The following CWF19L2 variants were observed in gnomAD, a reference collection of about 807,000 sequenced individuals.
CWF19L2 encodes CWF19 like cell cycle control factor 2, also known as CWF19-like protein 2.
A neutral mutation model predicts 111.7 loss-of-function variants in CWF19L2; 98 were observed. The observed-to-expected ratio is 0.88, with a 90% CI of 0.75 to 1.04. The LOEUF is 1.04. Among genes scored for constraint, CWF19L2 ranks in the 50% least tolerant of loss-of-function variants. The pLI is 0.00. For missense variants in CWF19L2, 1,101 were observed against 1,051.4 expected, an observed-to-expected ratio of 1.05 and a Z score of -0.65; for synonymous variants, 351 against 342.9, an observed-to-expected ratio of 1.02 and a Z score of -0.26.
At chr11:107,440,115 CAAT>C (rs1861601139) in intron 5 of CWF19L2, among the ~76,000 whole-genome samples, 1 of 152,062 alleles carries the variant, frequency 6.6e-6, no homozygotes, top group African/African-American at 2.4e-5. Flanking sequence ...GGGGGAAAGA[CAAT>C]CAAGCAATAT....
chr11:107,370,971 G>A lies in CWF19L2; in HGVS notation c.1873-17235C>T, dbSNP rs557770574. On this transcript the variant is annotated intron_variant, in intron 12 of 17. Coordinates refer to ENST00000282251, the MANE Select transcript of CWF19L2 (RefSeq NM_152434.3). ...TATTTAACAAAAATTATTCTTTTTC[G>A]AGAAAACTGCTATTTCACGATGTTA... 7.5e-5 allele frequency among the ~76,000 whole-genome samples: 10 copies of A among 133,520 alleles called. 2 individuals are homozygous for A. The highest frequency in any genetic ancestry group is 5.0e-4 in the South Asian group (2 of 3,966). 87.6% of individuals were successfully genotyped at this position (133,520 alleles called of 152,430 possible). A position where few individuals can be genotyped will look rare whatever the true frequency, so the allele number is the denominator to read the frequency against.
chr11:107,330,644 CCACACACACA>C lies in CWF19L2; in HGVS notation c.2440-635_2440-626del, dbSNP rs56313409. 5.7e-3 allele frequency among the ~76,000 whole-genome samples: 699 copies of C among 121,706 alleles called. 6 individuals are homozygous for C. Among genetic ancestry groups the C allele is most frequent in the African/African-American group, 0.016 (490 of 29,754 alleles). The allele number at this position is 121,706 out of a possible 152,430, so 79.8% of individuals were successfully genotyped here. ...TCTCTCTCTACACACACCCCCCCCA[CCACACACACA>C]CACACACACACACACACACACACAC... On this transcript the variant is annotated intron_variant, in intron 16 of 17. Coordinates refer to ENST00000282251, the MANE Select transcript of CWF19L2 (RefSeq NM_152434.3).
In CWF19L2 at chr11:107,397,510, C is replaced by G. The variant is rs183105604; in HGVS notation, c.1618-4615G>C. Among the ~76,000 whole-genome samples the G allele has an allele frequency of 1.5e-3, 229 of 152,218 alleles. 1 individual carries two copies. The highest frequency in any genetic ancestry group is 2.2e-3 in the Non-Finnish European group (151 of 68,012). On this transcript the variant is annotated intron_variant, in intron 10 of 17. Coordinates refer to ENST00000282251, the MANE Select transcript of CWF19L2 (RefSeq NM_152434.3). ...ATCCCATCCCCCACAGCAGCCCCAG[C>G]AAGACGCGCCCACGGAGAGTCTGAG...
chr11:107,346,136 A>C (rs1347633753), intron 14 of CWF19L2, among the ~76,000 whole-genome samples: 1 of 152,182 alleles, frequency 6.6e-6, no homozygotes, highest in African/African-American at 2.4e-5. Context: ...AGTACATATG[A>C]ATACATAATT....
chr11:107,364,738 A>T, intron 12 of CWF19L2, among the ~76,000 whole-genome samples: 1 of 99,942 alleles, frequency 1.0e-5, no homozygotes, highest in Non-Finnish European at 2.0e-5. Flanking sequence ...TCCAAAATTG[A>T]CACCCTAACA....
At chr11:107,428,758 C>A in intron 8 of CWF19L2, 41 bp downstream of exon 8, 1 of 1,460,508 alleles carries the variant, frequency 6.8e-7, no homozygotes, top group East Asian at 2.3e-5. Context: ...TCTTTGAACT[C>A]TCTGGATCTT....
At chr11:107,362,188 CG>C (rs1483986824) in intron 12 of CWF19L2, among the ~76,000 whole-genome samples, 1 of 96,842 alleles carries the variant, frequency 1.0e-5, no homozygotes, top group Non-Finnish European at 2.1e-5. Flanking sequence ...CACGGAGTCT[CG>C]CTGATTGCTA....
At position 107,418,278 on chromosome 11, in the gene CWF19L2, C is replaced by G. The variant is rs1244708339; in HGVS notation, c.1443G>C (p.Glu481Asp). The change falls in exon 9 of 18, where the codon GAG becomes GAC. Residue 481 changes from glutamate to aspartate, a missense_variant. By Grantham distance (45) the Glu-to-Asp change is conservative (BLOSUM62 2). Transcript: ENST00000282251. ...CACTCAGGATGTGAATGGACTCACG[C>G]TCTGGACTGCTATTGGAATAGGAAA... ...DTKSTFAGSP[E>D]RESIHILSVD... 1 of 1,608,732 alleles carries G rather than the reference C, an allele frequency of 6.2e-7. No individual in the cohort carries two copies. The highest frequency in any genetic ancestry group is 1.1e-5 in the South Asian group (1 of 90,976).
At chr11:107,441,230 G>A (rs1301317736) in intron 5 of CWF19L2, among the ~76,000 whole-genome samples, 1 of 152,100 alleles carries the variant, frequency 6.6e-6, no homozygotes, top group Non-Finnish European at 1.5e-5. Context: ...CAAAAATTGA[G>A]TGAGTTCACT....
At chr11:107,368,040 A>G (rs1860457202) in intron 12 of CWF19L2, among the ~76,000 whole-genome samples, 1 of 136,716 alleles carries the variant, frequency 7.3e-6, no homozygotes, top group Admixed American at 7.2e-5. Flanking sequence ...GTGACACCTC[A>G]AGAAACTAGA....
At chr11:107,345,915 A>C (rs1860073575) in intron 14 of CWF19L2, among the ~76,000 whole-genome samples, 1 of 152,182 alleles carries the variant, frequency 6.6e-6, no homozygotes, top group Non-Finnish European at 1.5e-5. Context: ...TGTTATGGAG[A>C]TGACATGAAA....
intron 12 of CWF19L2, 88 bp downstream of exon 12, chr11:107,389,986 A>G: frequency 9.1e-7 from 1 of 1,099,880 alleles, no homozygotes; most frequent in Non-Finnish European, 1.3e-6. Context: ...AAGATTAGAG[A>G]GAACCAGATC....
intron 10 of CWF19L2, among the ~76,000 whole-genome samples, chr11:107,399,045 T>C (rs1860963811): frequency 6.6e-6 from 1 of 152,208 alleles, no homozygotes; most frequent in African/African-American, 2.4e-5. Context: ...AGGTTCCTTT[T>C]GCTAAAAGGA....
intron 14 of CWF19L2, among the ~76,000 whole-genome samples, chr11:107,344,936 C>G (rs971752940): frequency 3.9e-5 from 6 of 152,076 alleles, no homozygotes; most frequent in African/African-American, 1.4e-4. Context: ...TGTTGACACT[C>G]AAAAATGGGA....
intron 12 of CWF19L2, among the ~76,000 whole-genome samples, chr11:107,362,360 C>A (rs1860364326): frequency 6.6e-6 from 1 of 151,962 alleles, no homozygotes; most frequent in Admixed American, 6.5e-5. Context: ...TAGGCTTCAC[C>A]TCTGGGGGCA....
intron 16 of CWF19L2, among the ~76,000 whole-genome samples, chr11:107,330,657 C>T (rs1369996718): frequency 1.3e-5 from 1 of 74,334 alleles, no homozygotes; most frequent in Non-Finnish European, 3.3e-5. Context: ...CACACACACA[C>T]ACACACACAC....
intron 8 of CWF19L2, among the ~76,000 whole-genome samples, chr11:107,424,577 A>G (rs145760839): frequency 1.3e-5 from 2 of 151,912 alleles, no homozygotes; most frequent in East Asian, 3.9e-4. Context: ...TTAGATATTC[A>G]ATCAAGGAAG....
At chr11:107,428,666 T>C (rs1861414236) in intron 8 of CWF19L2, 133 bp downstream of exon 8, 2 of 726,310 alleles carry the variant, frequency 2.8e-6, no homozygotes, top group Non-Finnish European at 4.5e-6. Context: ...TAAATCTGCA[T>C]ATCTTACCCC....
intron 14 of CWF19L2, among the ~76,000 whole-genome samples, chr11:107,348,189 TATC>T (rs759918781): frequency 5.9e-5 from 9 of 152,168 alleles, no homozygotes; most frequent in Non-Finnish European, 1.3e-4. Context: ...TTGACATACT[TATC>T]AGCATGCTGC....
Sources: allele counts gnomAD v4.1 joint callset (sites outside exome capture counted in the v4.1 genomes callset), GRCh38; gene constraint gnomAD v4.1.1; transcripts MANE v1.5; gene names NCBI Gene and HGNC (gene_info 2026-07-23, HGNC 2026-07-21).